SENP6: variants seen among roughly 807,000 people sequenced by gnomAD.
The protein encoded by SENP6 is sentrin-specific protease 6.
Under a neutral mutation model 134.5 loss-of-function variants are expected in SENP6, and 41 were observed. That is an observed-to-expected ratio of 0.30 (90% CI 0.24 to 0.40). The LOEUF is 0.40. Ranked by LOEUF, SENP6 falls within the 10% of genes least tolerant of loss-of-function variation. The pLI, the probability that SENP6 is intolerant of heterozygous loss-of-function variation, is 1.00. For missense variants in SENP6, 1,248 were observed against 1,312.5 expected, an observed-to-expected ratio of 0.95 and a Z score of 0.76; for synonymous variants, 395 against 429.8, an observed-to-expected ratio of 0.92 and a Z score of 1.00.
chr6:75,622,688 T>C, intron 2 of SENP6: 2 of 811,506 alleles, frequency 2.5e-6, no homozygotes, highest in Non-Finnish European at 1.8e-6. Context: ...ACCAAAACTA[T>C]AAATATGTTA....
intron 1 of SENP6, among the ~76,000 whole-genome samples, chr6:75,610,426 A>C (rs1767357213): frequency 6.6e-6 from 1 of 152,190 alleles, no homozygotes; most frequent in South Asian, 2.1e-4. Flanking sequence ...CATTATTGTG[A>C]ACTGCAAATG....
chr6:75,628,651 A>T (rs1454843273), intron 3 of SENP6, among the ~76,000 whole-genome samples: 1 of 152,210 alleles, frequency 6.6e-6, no homozygotes, highest in African/African-American at 2.4e-5. Flanking sequence ...GTTAGATACC[A>T]GTGCTGACAA....
intron 9 of SENP6, among the ~76,000 whole-genome samples, chr6:75,663,844 A>G (rs1360871100): frequency 2.0e-5 from 3 of 151,184 alleles, no homozygotes; most frequent in African/African-American, 7.3e-5. Flanking sequence ...GCCTAAAATA[A>G]CATAAAGTAT....
In SENP6 at chr6:75,695,809, T is replaced by C. The variant is rs750287996; in HGVS notation, c.2081T>C (p.Leu694Ser). 6.3e-7 allele frequency: 1 copy of C among 1,579,768 alleles called. No homozygotes were observed. Among genetic ancestry groups the C allele is most frequent in the South Asian group, 1.2e-5 (1 of 85,100 alleles). ...DVIIDFYLKY[L>S]VLEKLKKEDA... ...AATTATTTTCTATCAAATAGATACT[T>C]GGTGCTTGAAAAACTGAAGAAGGAA... The change falls in exon 17 of 24, where the codon TTG becomes TCG. Residue 694 changes from leucine (L) to serine (S), a missense_variant. Leu to Ser is a moderately radical substitution (Grantham distance 145, BLOSUM62 -2). Coordinates refer to ENST00000447266, the MANE Select transcript of SENP6 (RefSeq NM_015571.4).
At chr6:75,659,051 C>T (rs1160650505) in intron 7 of SENP6, among the ~76,000 whole-genome samples, 2 of 148,646 alleles carry the variant, frequency 1.3e-5, no homozygotes, top group African/African-American at 5.0e-5. Flanking sequence ...CTTCTGTTAC[C>T]TTAGTAGAAC....
At chr6:75,676,956 A>G (rs1367026032) in intron 13 of SENP6, 74 bp from the exon 14 acceptor site, 2 of 740,254 alleles carry the variant, frequency 2.7e-6, no homozygotes, top group African/African-American at 1.8e-5. Context: ...GAAAGAATTA[A>G]TAATTACTCC....
At chr6:75,645,492 G>T (rs764236712) in intron 6 of SENP6, among the ~76,000 whole-genome samples, 1 of 152,066 alleles carries the variant, frequency 6.6e-6, no homozygotes, top group African/African-American at 2.4e-5. Flanking sequence ...TGGCGCACAC[G>T]TGTAATCCCA....
At chr6:75,691,499 T>C (rs1265843200) in intron 16 of SENP6, among the ~76,000 whole-genome samples, 2 of 152,236 alleles carry the variant, frequency 1.3e-5, no homozygotes, top group Non-Finnish European at 2.9e-5. Context: ...ATTCAATATT[T>C]AAATGATGTA....
intron 7 of SENP6, among the ~76,000 whole-genome samples, chr6:75,651,578 C>A (rs1464231909): frequency 6.6e-6 from 1 of 152,156 alleles, no homozygotes; most frequent in Non-Finnish European, 1.5e-5. Flanking sequence ...TGTCAGGCTT[C>A]TGGGCTCCAG....
rs77922692 is a variant in SENP6 at position 75,703,293 on chromosome 6, C to CA, written c.2716+230dup. On this transcript the variant is annotated intron_variant, in intron 19 of 23. Transcript: ENST00000447266. ...CAACATAGCGAGACCCAATCTCCAA[C>CA]AAAAAAAAATAAATAGAAAATTTTT... 0.011 allele frequency among the ~76,000 whole-genome samples: 1,592 copies of CA among 149,084 alleles called. 58 individuals carry two copies. The East Asian group carries it at 0.14, about 13-fold the overall frequency.
Position 75,610,047 on chromosome 6 carries a change from C to T in SENP6, c.52+7471C>T, listed in dbSNP as rs114268371. On this transcript the variant is annotated intron_variant, in intron 1 of 23. Transcript: ENST00000447266. The stretch of plus-strand genomic sequence containing the variant: ...AAGTGATCCACCTACTTCAGCCTCC[C>T]AGAGTGCTGGGATTAGAAGTGTGAG... 2.5e-3 allele frequency among the ~76,000 whole-genome samples: 379 copies of T among 152,300 alleles called. 1 individual carries two copies. Among genetic ancestry groups the T allele is most frequent in the African/African-American group, 8.5e-3 (354 of 41,560 alleles).
At chr6:75,697,592 G>A in intron 18 of SENP6, 75 bp downstream of exon 18, 1 of 956,452 alleles carries the variant, frequency 1.0e-6, no homozygotes, top group Non-Finnish European at 1.6e-6. Flanking sequence ...ATGAGTATGA[G>A]GTGAAGAATT....
chr6:75,664,525 T>A (rs1190360457), intron 9 of SENP6, among the ~76,000 whole-genome samples: 1 of 152,160 alleles, frequency 6.6e-6, no homozygotes, highest in African/African-American at 2.4e-5. Context: ...GAAGAGAAAT[T>A]GAGCCAAATA....
At chr6:75,651,341 A>G in intron 7 of SENP6, among the ~76,000 whole-genome samples, 1 of 152,076 alleles carries the variant, frequency 6.6e-6, no homozygotes, top group Non-Finnish European at 1.5e-5. Context: ...ACTGCTTAAC[A>G]CATGTTAACT....
chr6:75,632,318 G>A (rs1238076510), intron 3 of SENP6, among the ~76,000 whole-genome samples: 1 of 152,068 alleles, frequency 6.6e-6, no homozygotes, highest in Non-Finnish European at 1.5e-5. Flanking sequence ...CAAAACCATC[G>A]ATAAAGGGGG....
chr6:75,717,986 A>G lies in SENP6; in HGVS notation c.*2392A>G, dbSNP rs1166234707. 2 of 152,160 alleles carry G rather than the reference A, an allele frequency of 1.3e-5. No homozygotes were observed. The highest frequency in any genetic ancestry group is 2.9e-5 in the Non-Finnish European group (2 of 67,990). The allele number at this position is 152,160 out of a possible 1,614,324, so 9.4% of individuals were successfully genotyped here. A position where few individuals can be genotyped will look rare whatever the true frequency, so the allele number is the denominator to read the frequency against. ...AGACAGCTGAAAACTTAATGGTATT[A>G]TTTCAAGTTCACATAACCCTAAAAA... On this transcript the variant is annotated 3_prime_UTR_variant, in exon 24 of 24. Coordinates refer to ENST00000447266, the MANE Select transcript of SENP6 (RefSeq NM_015571.4).
chr6:75,692,494 G>A (rs1441338411), intron 16 of SENP6, among the ~76,000 whole-genome samples: 1 of 152,026 alleles, frequency 6.6e-6, no homozygotes, highest in African/African-American at 2.4e-5. Context: ...GGGCATGGTA[G>A]TGCAGGCCTG....
chr6:75,663,638 A>G, intron 9 of SENP6, 120 bp downstream of exon 9: 1 of 752,982 alleles, frequency 1.3e-6, no homozygotes, highest in Non-Finnish European at 2.1e-6. Flanking sequence ...CTTAAAACTA[A>G]TCTTGTTCTC....
chr6:75,634,225 A>C (rs1350116838), intron 4 of SENP6, among the ~76,000 whole-genome samples: 3 of 152,192 alleles, frequency 2.0e-5, no homozygotes, highest in Non-Finnish European at 2.9e-5. Flanking sequence ...AATGAAGTAC[A>C]TAAAAGCTCA....
Sources: gnomAD v4.1 joint callset for allele counts (sites outside exome capture counted in the v4.1 genomes callset) on GRCh38, gnomAD v4.1.1 for gene constraint, MANE v1.5 for transcripts, NCBI Gene and HGNC (gene_info 2026-07-23, HGNC 2026-07-21) for gene names.